DRAM1: variants seen among roughly 807,000 people sequenced by gnomAD.
DRAM1 encodes DNA damage regulated autophagy modulator 1, also known as DNA damage-regulated autophagy modulator protein 1.
A neutral mutation model predicts 28.5 loss-of-function variants in DRAM1; 25 were observed. The ratio of observed to expected loss-of-function variants is 0.88; its 90% CI spans 0.64 to 1.23. The LOEUF (loss-of-function observed/expected upper bound fraction) is 1.23, where lower values mean the gene tolerates loss of function less well. Among genes scored for constraint, DRAM1 ranks in the 50% most tolerant of loss-of-function variants. The pLI is 0.00. For missense variants in DRAM1, 249 were observed against 299.2 expected (o/e 0.83, Z 1.24); for synonymous variants, 113 against 114.2 (o/e 0.99, Z 0.07).
intron 1 of DRAM1, among the ~76,000 whole-genome samples, chr12:101,895,576 T>TATTTTA (rs1873333004): frequency 1.4e-5 from 2 of 143,164 alleles, no homozygotes; most frequent in African/African-American, 5.3e-5. Flanking sequence ...ATTTTTTTTT[T>TATTTTA]TTTTTTTTTT....
At chr12:101,911,061 T>C (rs59048996) in intron 4 of DRAM1, among the ~76,000 whole-genome samples, 40,004 of 151,430 alleles carry the variant, frequency 0.26, 7,110 homozygotes, top group African/African-American at 0.5. Flanking sequence ...CATGGTGAAA[T>C]CTCATCTCTA....
At chr12:101,892,409 T>G (rs899573550) in intron 1 of DRAM1, among the ~76,000 whole-genome samples, 1 of 69,388 alleles carries the variant, frequency 1.4e-5, no homozygotes, top group African/African-American at 1.2e-4. Flanking sequence ...CTAATTTTTT[T>G]TTTTTTTTTT....
rs560618474 is a variant in DRAM1, at chr12:101,897,798, G to T, written c.132-65G>T. ...ACAGAATATAAAACTCGCCAATTAC[G>T]TGTCTTCCCAGAGGTCTGGACAGAA... is the stretch of plus-strand genomic sequence containing the variant. On this transcript the variant is annotated intron_variant, in intron 1 of 6. Coordinates refer to ENST00000258534, the MANE Select transcript of DRAM1 (RefSeq NM_018370.3). 10 of 1,154,252 alleles carry T rather than the reference G, an allele frequency of 8.7e-6. No homozygotes were observed. In the South Asian group the frequency reaches 1.2e-4, roughly 14 times the overall value. The allele number at this position is 1,154,252 out of a possible 1,614,324, so 71.5% of individuals were successfully genotyped here. A position where few individuals can be genotyped will look rare whatever the true frequency, so the allele number is the denominator to read the frequency against.
At chr12:101,893,536 G>A (rs1278661799) in intron 1 of DRAM1, among the ~76,000 whole-genome samples, 1 of 152,186 alleles carries the variant, frequency 6.6e-6, no homozygotes, top group African/African-American at 2.4e-5. Flanking sequence ...CAGAGGAGAG[G>A]CTGGGAAGTC....
chr12:101,897,712 T>C (rs1873438680), intron 1 of DRAM1, 151 bp from the exon 2 acceptor site: 1 of 616,166 alleles, frequency 1.6e-6, no homozygotes, highest in Admixed American at 3.2e-5. Context: ...AAAATGAAAA[T>C]ACTTTAGAAC....
At chr12:101,916,273 G>A (rs150016499) in intron 5 of DRAM1, among the ~76,000 whole-genome samples, 10 of 152,350 alleles carry the variant, frequency 6.6e-5, no homozygotes, top group African/African-American at 2.2e-4. Flanking sequence ...AGCACTTTGG[G>A]AGGCTGAGGC....
intron 1 of DRAM1, chr12:101,890,350 G>A (rs778756707): frequency 5.3e-4 from 130 of 243,296 alleles, no homozygotes; most frequent in Non-Finnish European, 6.6e-4. Flanking sequence ...AAAGTGCTGG[G>A]ATGACAGGTG....
At position 101,920,188 on chromosome 12, in the gene DRAM1, T is replaced by C. The variant is rs1417928845; in HGVS notation, c.659T>C (p.Ile220Thr). The C allele has an allele frequency of 6.2e-7, 1 of 1,609,400 alleles. No homozygotes were observed. Among genetic ancestry groups the C allele is most frequent in the Non-Finnish European group, 8.5e-7 (1 of 1,177,286 alleles). ...FGFIFYFLTFIQDFQSVTLRI... is the reference protein window; with the variant it reads ...FGFIFYFLTFTQDFQSVTLRI... ...TTTATTTTCTACTTCCTAACTTTCA[T>C]CCAAGATTTCCAGGTAGGTGTTTAT... The change falls in exon 6 of 7, where the codon ATC becomes ACC. Residue 220 changes from isoleucine (I) to threonine (T), a missense_variant. Around this residue, in one of 3 missense-constraint regions of DRAM1, gnomAD observed 15 missense variants for 39.9 expected, o/e 0.38. Transcript: ENST00000258534.
At chr12:101,905,147 A>C (rs1873755337) in intron 3 of DRAM1, among the ~76,000 whole-genome samples, 1 of 152,012 alleles carries the variant, frequency 6.6e-6, no homozygotes, top group African/African-American at 2.4e-5. Context: ...TGATCCTCCC[A>C]TCTCCACCTC....
At chr12:101,911,704 T>C (rs1304839088) in intron 4 of DRAM1, among the ~76,000 whole-genome samples, 1 of 152,020 alleles carries the variant, frequency 6.6e-6, no homozygotes, top group Non-Finnish European at 1.5e-5. Flanking sequence ...TATACCTGAT[T>C]TCAAGGATTT....
chr12:101,893,776 T>G (rs1873233379), intron 1 of DRAM1, among the ~76,000 whole-genome samples: 1 of 152,170 alleles, frequency 6.6e-6, no homozygotes, highest in South Asian at 2.1e-4. Flanking sequence ...GGTCAATTTT[T>G]TTTTTTTTTT....
chr12:101,917,658 C>T (rs988345373), intron 5 of DRAM1, among the ~76,000 whole-genome samples: 8 of 149,156 alleles, frequency 5.4e-5, no homozygotes, highest in African/African-American at 2.0e-4. Context: ...CATGCCAATG[C>T]ACTCCAGCCT....
At chr12:101,890,267 A>T (rs1873060850) in intron 1 of DRAM1, 3 of 318,576 alleles carry the variant, frequency 9.4e-6, no homozygotes, top group Non-Finnish European at 1.8e-5. Flanking sequence ...TTTAGTAGAG[A>T]CAGGGTTTCA....
chr12:101,904,184 G>A (rs868332295), intron 3 of DRAM1, among the ~76,000 whole-genome samples: 1 of 151,728 alleles, frequency 6.6e-6, no homozygotes, highest in African/African-American at 2.4e-5. Flanking sequence ...TAGAGATGGC[G>A]TTTCGCCATG....
intron 3 of DRAM1, among the ~76,000 whole-genome samples, chr12:101,905,998 G>A (rs568823518): frequency 6.6e-5 from 10 of 151,918 alleles, no homozygotes; most frequent in African/African-American, 2.4e-4. Context: ...CCACGTTGGC[G>A]AGGCTGGTCT....
At chr12:101,879,392 T>C (rs1348662002) in intron 1 of DRAM1, among the ~76,000 whole-genome samples, 1 of 152,194 alleles carries the variant, frequency 6.6e-6, no homozygotes, top group Non-Finnish European at 1.5e-5. Context: ...AAGGAGATGT[T>C]ATGTATATCA....
chr12:101,899,014 A>T (rs1055333212), intron 2 of DRAM1, among the ~76,000 whole-genome samples: 5 of 152,182 alleles, frequency 3.3e-5, no homozygotes, highest in Non-Finnish European at 7.3e-5. Context: ...ATCTCCCCCC[A>T]AACAATCAAG....
intron 1 of DRAM1, among the ~76,000 whole-genome samples, chr12:101,892,217 C>G (rs7138657): frequency 0.28 from 42,063 of 151,370 alleles, 6,326 homozygotes; most frequent in East Asian, 0.39. Flanking sequence ...GAGGTAAGAG[C>G]TATTTCATTT....
intron 1 of DRAM1, among the ~76,000 whole-genome samples, chr12:101,889,044 C>G (rs938865744): frequency 3.3e-5 from 5 of 151,912 alleles, no homozygotes; most frequent in African/African-American, 1.2e-4. Context: ...CTCAAGAGAT[C>G]CTCCCACCTC....
Sources: allele counts gnomAD v4.1 joint callset (sites outside exome capture counted in the v4.1 genomes callset), GRCh38; gene constraint gnomAD v4.1.1; regional missense constraint gnomAD v4.1.1; transcripts MANE v1.5; gene names NCBI Gene and HGNC (gene_info 2026-07-23, HGNC 2026-07-21).